The following DSTN variants were observed in gnomAD, a reference collection of about 807,000 sequenced individuals.
DSTN encodes destrin, actin depolymerizing factor.
DSTN carries 10 observed loss-of-function variants against 16.8 expected under a neutral mutation model. That is an observed-to-expected ratio of 0.60 (90% confidence interval 0.37 to 1.01). The LOEUF (loss-of-function observed/expected upper bound fraction) is 1.01. Among genes scored for constraint, DSTN ranks in the 50% least tolerant of loss-of-function variants. The pLI is 0.01. For missense variants in DSTN, 141 were observed against 196.7 expected (o/e 0.72, Z 1.69); for synonymous variants, 57 against 58.9 (o/e 0.97, Z 0.14).
chr20:17,592,015 A>C, intron 1 of DSTN: 1 of 985,426 alleles, frequency 1.0e-6, no homozygotes, highest in Non-Finnish European at 1.2e-6. Context: ...ACGAGAATGG[A>C]GTTTAGAAGA....
intron 1 of DSTN, among the ~76,000 whole-genome samples, chr20:17,597,464 TTTTATTTGTTTGTATAAATGTATG>T (rs1444417988): frequency 6.6e-6 from 1 of 152,186 alleles, no homozygotes; most frequent in Non-Finnish European, 1.5e-5. Context: ...ACAACTTTAT[TTTTATTTGTTTGTATAAATGTATG>T]GGGGTACAAG....
chr20:17,571,177 G>GA (rs1172205472), intron 1 of DSTN, among the ~76,000 whole-genome samples: 2 of 152,158 alleles, frequency 1.3e-5, no homozygotes, highest in African/African-American at 4.8e-5. Flanking sequence ...CTATCAGTTG[G>GA]AACATTTTGT....
chr20:17,591,130 G>A (rs74590767), intron 1 of DSTN, among the ~76,000 whole-genome samples: 3,444 of 152,164 alleles, frequency 0.023, 115 homozygotes, highest in African/African-American at 0.078. Context: ...GAAAAACCAC[G>A]GAAATACTGA....
At chr20:17,599,765 C>G (rs1186533846) in intron 1 of DSTN, 1 of 152,226 alleles carries the variant, frequency 6.6e-6, no homozygotes, top group African/African-American at 2.4e-5. Flanking sequence ...CAGGCTTTGT[C>G]TACAGCCACA....
intron 1 of DSTN, among the ~76,000 whole-genome samples, 193 bp downstream of exon 1, chr20:17,570,404 C>A (rs1041053578): frequency 3.2e-4 from 48 of 152,318 alleles, no homozygotes; most frequent in Admixed American, 7.2e-4. Context: ...GCTGGGCCCC[C>A]GCGCCCCGGG....
chr20:17,606,840 G>C (rs2035648002), intron 3 of DSTN, among the ~76,000 whole-genome samples, 197 bp from the exon 4 acceptor site: 1 of 152,174 alleles, frequency 6.6e-6, no homozygotes, highest in South Asian at 2.1e-4. Context: ...TTCTTTCAGT[G>C]AATGCTGTTT....
intron 1 of DSTN, among the ~76,000 whole-genome samples, chr20:17,581,957 T>C (rs2035349986): frequency 6.6e-6 from 1 of 152,192 alleles, no homozygotes. Flanking sequence ...CCATTTAATA[T>C]ATATTCTCAT....
At chr20:17,573,325 T>G (rs996262063) in intron 1 of DSTN, among the ~76,000 whole-genome samples, 3 of 152,136 alleles carry the variant, frequency 2.0e-5, no homozygotes, top group Admixed American at 6.5e-5. Flanking sequence ...GTGGTTTTTT[T>G]TTTCCCAGGG....
At chr20:17,584,523 A>G (rs149926468) in intron 1 of DSTN, among the ~76,000 whole-genome samples, 3,437 of 152,064 alleles carry the variant, frequency 0.023, 117 homozygotes, top group African/African-American at 0.078. Context: ...GTGTTGGCGC[A>G]TGCCTGTAAT....
intron 1 of DSTN, chr20:17,576,157 T>C (rs1385849071): frequency 1.3e-5 from 2 of 152,194 alleles, no homozygotes; most frequent in Non-Finnish European, 2.9e-5. Context: ...AAGACCCCCA[T>C]TGAGTTGAAT....
chr20:17,589,815 A>G (rs1334392226), intron 1 of DSTN, among the ~76,000 whole-genome samples: 2 of 152,214 alleles, frequency 1.3e-5, no homozygotes, highest in African/African-American at 2.4e-5. Context: ...AAAATTTGCT[A>G]TTGAAAATTT....
intron 1 of DSTN, among the ~76,000 whole-genome samples, chr20:17,573,598 T>C (rs1184535928): frequency 6.6e-6 from 1 of 152,188 alleles, no homozygotes; most frequent in African/African-American, 2.4e-5. Flanking sequence ...GGAGCATACA[T>C]ATTTTCTACT....
At chr20:17,592,429 CA>C (rs35327345) in intron 1 of DSTN, among the ~76,000 whole-genome samples, 50,675 of 109,526 alleles carry the variant, frequency 0.46, 9,664 homozygotes, top group East Asian at 0.65. Flanking sequence ...GACCTTGTCT[CA>C]AAAAAAAAAA....
rs985598857 is a variant in DSTN, at chr20:17,570,200, G to T, written c.-9G>T. 41 of 1,519,246 alleles carry T rather than the reference G, an allele frequency of 2.7e-5. No individual in the cohort carries two copies. Among genetic ancestry groups the T allele is most frequent in the Non-Finnish European group, 2.6e-5 (30 of 1,137,510 alleles). 94.1% of individuals were successfully genotyped at this position (1,519,246 alleles called of 1,614,324 possible). On this transcript the variant is annotated 5_prime_UTR_variant, in exon 1 of 4. Transcript: ENST00000246069. ...CCTCCCCCGCGTCCCTGCGACCGCC[G>T]CGGCGAAGATGGTGAGTAGGAGGGA... is the stretch of plus-strand genomic sequence containing the variant.
chr20:17,579,181 C>A (rs2035315610), intron 1 of DSTN, among the ~76,000 whole-genome samples: 1 of 152,040 alleles, frequency 6.6e-6, no homozygotes, highest in South Asian at 2.1e-4. Flanking sequence ...TTGGTAAGTT[C>A]CTGACACATT....
intron 1 of DSTN, among the ~76,000 whole-genome samples, chr20:17,586,194 A>G (rs772212207): frequency 6.6e-6 from 1 of 152,212 alleles, no homozygotes; most frequent in African/African-American, 2.4e-5. Flanking sequence ...TCTACCTTAG[A>G]TAAAACTAAT....
chr20:17,607,119 T>A lies in DSTN; in HGVS notation c.471T>A (p.Ile157=). 1 of 1,612,742 alleles carries A rather than the reference T, an allele frequency of 6.2e-7. No individual in the cohort carries two copies. Among genetic ancestry groups the A allele is most frequent in the Non-Finnish European group, 8.5e-7 (1 of 1,179,962 alleles). Reference sequence around the variant, plus strand: ...CTGAAAAGTTAGGTGGATCCTTAATTGTAGCCTTTGAAGGATGCCCTGTGT... The same window carrying A: ...CTGAAAAGTTAGGTGGATCCTTAATAGTAGCCTTTGAAGGATGCCCTGTGT... The part of the protein sequence containing the change: ...CIAEKLGGSL[I]VAFEGCPV The change falls in exon 4 of 4, where the codon ATT becomes ATA. Residue 157 remains isoleucine, a synonymous_variant. Coordinates refer to ENST00000246069, the MANE Select transcript of DSTN (RefSeq NM_006870.4).
chr20:17,575,826 C>T (rs1426937617), intron 1 of DSTN, among the ~76,000 whole-genome samples: 1 of 152,182 alleles, frequency 6.6e-6, no homozygotes, highest in Non-Finnish European at 1.5e-5. Flanking sequence ...CTGCGCCCAG[C>T]CGTGAAAGTA....
At chr20:17,576,336 C>G (rs1431730361) in intron 1 of DSTN, 1 of 154,434 alleles carries the variant, frequency 6.5e-6, no homozygotes, top group Non-Finnish European at 1.5e-5. Flanking sequence ...GACCAAAGAC[C>G]GGTTCTCCTC....
Sources: allele counts gnomAD v4.1 joint callset (sites outside exome capture counted in the v4.1 genomes callset), GRCh38; gene constraint gnomAD v4.1.1; transcripts MANE v1.5; gene names NCBI Gene and HGNC (gene_info 2026-07-23, HGNC 2026-07-21).